Variants in ZNF704 observed in about 807,000 individuals in gnomAD.
The protein encoded by ZNF704 is zinc finger protein 704, also known as glucocorticoid induced gene 1.
A neutral mutation model predicts 44.7 loss-of-function variants in ZNF704; 10 were observed. The observed-to-expected ratio is 0.22, with a 90% CI of 0.14 to 0.38. The LOEUF is 0.38. Among genes scored for constraint, ZNF704 ranks in the 10% least tolerant of loss-of-function variants. The pLI is 1.00. For missense variants in ZNF704, 390 were observed against 545.5 expected (o/e 0.71, Z 2.84); for synonymous variants, 211 against 207.6 (o/e 1.02, Z -0.14).
chr8:80,710,534 G>C (rs1001927179), intron 2 of ZNF704, among the ~76,000 whole-genome samples: 1 of 152,066 alleles, frequency 6.6e-6, no homozygotes, highest in Admixed American at 6.6e-5. Flanking sequence ...CCTACCCCTC[G>C]ACATGATAGT....
intron 2 of ZNF704, among the ~76,000 whole-genome samples, chr8:80,747,688 T>C (rs1376143486): frequency 6.6e-6 from 1 of 152,156 alleles, no homozygotes; most frequent in African/African-American, 2.4e-5. Flanking sequence ...CTCTGAACCA[T>C]TTAAGTAGAT....
intron 8 of ZNF704, among the ~76,000 whole-genome samples, chr8:80,642,516 G>A (rs980695021): frequency 5.3e-5 from 8 of 152,138 alleles, no homozygotes; most frequent in Non-Finnish European, 1.0e-4. Flanking sequence ...TGGATGGCAC[G>A]AAATTTCATC....
intron 2 of ZNF704, among the ~76,000 whole-genome samples, chr8:80,757,146 A>G (rs1219368920): frequency 6.6e-6 from 1 of 152,204 alleles, no homozygotes; most frequent in Non-Finnish European, 1.5e-5. Context: ...CAGGTCCTTT[A>G]GAGGTATTTC....
chr8:80,765,678 T>C (rs1191302332), intron 2 of ZNF704, among the ~76,000 whole-genome samples: 2 of 152,134 alleles, frequency 1.3e-5, no homozygotes, highest in Non-Finnish European at 1.5e-5. Context: ...GATTTTTAGA[T>C]GTTAGGGATT....
intron 5 of ZNF704, among the ~76,000 whole-genome samples, chr8:80,665,968 T>TTTTATTC (rs1818185361): frequency 6.6e-6 from 1 of 151,058 alleles, no homozygotes; most frequent in Non-Finnish European, 1.5e-5. Context: ...TTTATTTATT[T>TTTTATTC]ATTTTTTTAT....
At chr8:80,650,663 A>G (rs1012232313) in intron 7 of ZNF704, among the ~76,000 whole-genome samples, 1 of 152,262 alleles carries the variant, frequency 6.6e-6, no homozygotes, top group African/African-American at 2.4e-5. Context: ...ATATGGGACT[A>G]TGTGAAAAGA....
intron 2 of ZNF704, among the ~76,000 whole-genome samples, chr8:80,746,374 T>A (rs1316118414): frequency 6.6e-6 from 1 of 152,230 alleles, no homozygotes; most frequent in African/African-American, 2.4e-5. Flanking sequence ...TGGGTTTATG[T>A]CCTGGTCTAT....
intron 6 of ZNF704, among the ~76,000 whole-genome samples, chr8:80,663,404 A>AG (rs1687557454): frequency 6.6e-6 from 1 of 151,666 alleles, no homozygotes; most frequent in African/African-American, 2.4e-5. Context: ...GCAGGAAAAA[A>AG]GGGAGTTTTA....
rs1282639243 is a variant in ZNF704 at position 80,874,142 on chromosome 8, C to A, written c.-22+429G>T. Among the ~76,000 whole-genome samples, 1 of 146,638 alleles carries A rather than the reference C, an allele frequency of 6.8e-6. No individual in the cohort carries two copies. Among genetic ancestry groups the A allele is most frequent in the African/African-American group, 2.4e-5 (1 of 40,860 alleles). On this transcript the variant is annotated intron_variant, in intron 1 of 8. Coordinates refer to ENST00000327835, the MANE Select transcript of ZNF704 (RefSeq NM_001033723.3). This position sits in a 1 kb window ranked among gnomAD's most constrained non-coding sequence, Gnocchi z 4.4. The stretch of plus-strand genomic sequence containing the variant: ...GCCGGTGGCCGCAGGGCCGGGGACT[C>A]GCGGCCGCAAGGGGCTGCAGGAGCC...
At chr8:80,813,796 G>A (rs560824635) in intron 2 of ZNF704, among the ~76,000 whole-genome samples, 55 of 152,170 alleles carry the variant, frequency 3.6e-4, no homozygotes, top group South Asian at 4.2e-4. Context: ...GAAGAATGGC[G>A]TGAACCCAGA....
chr8:80,795,102 C>A (rs1208637932), intron 2 of ZNF704, among the ~76,000 whole-genome samples: 4 of 152,102 alleles, frequency 2.6e-5, no homozygotes, highest in African/African-American at 9.7e-5. Context: ...CATCCCAATG[C>A]CCTCACACAA....
intron 2 of ZNF704, among the ~76,000 whole-genome samples, chr8:80,810,694 T>G (rs186286165): frequency 6.6e-6 from 1 of 152,226 alleles, no homozygotes; most frequent in Non-Finnish European, 1.5e-5. Context: ...CCATTTAACC[T>G]TCCTTTGATT....
intron 2 of ZNF704, among the ~76,000 whole-genome samples, chr8:80,705,943 CAGTCACTCCTGG>C (rs1377203491): frequency 6.6e-6 from 1 of 152,180 alleles, no homozygotes; most frequent in Non-Finnish European, 1.5e-5. Flanking sequence ...GGCTGTCAAC[CAGTCACTCCTGG>C]AGTCCTGGGG....
chr8:80,846,401 T>TACACACACAC (rs33922681), intron 1 of ZNF704, among the ~76,000 whole-genome samples: 16 of 148,508 alleles, frequency 1.1e-4, no homozygotes, highest in Non-Finnish European at 1.3e-4. Flanking sequence ...AGAGATTTCA[T>TACACACACAC]ACACACACAC....
chr8:80,834,832 C>T (rs897852363), intron 1 of ZNF704, among the ~76,000 whole-genome samples: 5 of 152,144 alleles, frequency 3.3e-5, no homozygotes, highest in African/African-American at 1.2e-4. Flanking sequence ...TGGTTTCCAG[C>T]TTCATCCATG....
At chr8:80,808,499 G>A (rs2129824725) in intron 2 of ZNF704, among the ~76,000 whole-genome samples, 1 of 152,316 alleles carries the variant, frequency 6.6e-6, no homozygotes, top group East Asian at 1.9e-4. Context: ...TACACTGTTT[G>A]TTAGGAATGA....
intron 5 of ZNF704, among the ~76,000 whole-genome samples, chr8:80,666,766 T>C (rs1320175602): frequency 2.0e-5 from 3 of 150,834 alleles, no homozygotes; most frequent in East Asian, 3.9e-4. Flanking sequence ...ATGTCTTCTT[T>C]TGAGAAGTGT....
intron 1 of ZNF704, among the ~76,000 whole-genome samples, chr8:80,842,511 T>C (rs1808698352): frequency 6.6e-6 from 1 of 151,970 alleles, no homozygotes; most frequent in African/African-American, 2.4e-5. Context: ...GAAGTAATAT[T>C]GGGAGAGAAC....
intron 2 of ZNF704, among the ~76,000 whole-genome samples, chr8:80,709,578 T>C (rs1818952771): frequency 7.1e-6 from 1 of 141,208 alleles, no homozygotes; most frequent in Admixed American, 7.2e-5. Context: ...GATGGTGGAG[T>C]GAGAGCCAGA....
Sources: gnomAD v4.1 joint callset for allele counts (sites outside exome capture counted in the v4.1 genomes callset) on GRCh38, gnomAD v4.1.1 for gene constraint, Gnocchi (gnomAD v3.1) non-coding constraint, MANE v1.5 for transcripts, NCBI Gene and HGNC (gene_info 2026-07-23, HGNC 2026-07-21) for gene names.